The following MAGI2 variants were observed in gnomAD, a reference collection of about 807,000 sequenced individuals.
MAGI2 encodes membrane-associated guanylate kinase, WW and PDZ domain-containing protein 2.
In MAGI2, 35 loss-of-function variants were observed where a neutral mutation model predicts 133.3. That is an observed-to-expected ratio of 0.26 (90% CI 0.20 to 0.35). The LOEUF (loss-of-function observed/expected upper bound fraction) is 0.35. MAGI2 is among the 10% of genes least tolerant of loss of function. MAGI2 has a pLI of 1.00. For synonymous variants in MAGI2, 729 were observed against 710.6 expected (o/e 1.03, Z -0.41); for missense variants, 1,636 against 1,863.4 (o/e 0.88, Z 2.25).
chr7:78,498,387 C>T (rs1379306184), intron 5 of MAGI2, among the ~76,000 whole-genome samples: 2 of 152,148 alleles, frequency 1.3e-5, no homozygotes, highest in Non-Finnish European at 2.9e-5. Flanking sequence ...ACGGGCCTTT[C>T]ATAGTATACA....
chr7:78,535,001 T>C (rs1797763126), intron 3 of MAGI2, among the ~76,000 whole-genome samples: 1 of 151,944 alleles, frequency 6.6e-6, no homozygotes, highest in African/African-American at 2.4e-5. Context: ...GGTGTGGTGG[T>C]GGGCACTTGT....
chr7:79,180,895 C>T (rs1826556738), intron 1 of MAGI2, among the ~76,000 whole-genome samples: 1 of 151,922 alleles, frequency 6.6e-6, no homozygotes, highest in African/African-American at 2.4e-5. Context: ...AGGCCCCACG[C>T]AAGTCCAAAA....
At chr7:78,047,084 T>C (rs1049882020) in intron 21 of MAGI2, among the ~76,000 whole-genome samples, 65 of 152,346 alleles carry the variant, frequency 4.3e-4, no homozygotes, top group African/African-American at 1.5e-3. Flanking sequence ...GTAACAGTTT[T>C]GATACTGACT....
intron 6 of MAGI2, among the ~76,000 whole-genome samples, chr7:78,382,188 G>A (rs939732074): frequency 2.5e-5 from 1 of 39,376 alleles, no homozygotes; most frequent in African/African-American, 9.9e-5. Context: ...ACATTCAAAT[G>A]TTCGTTTTTT....
chr7:79,095,488 A>G (rs1351174853), intron 1 of MAGI2, among the ~76,000 whole-genome samples: 3 of 152,128 alleles, frequency 2.0e-5, no homozygotes, highest in African/African-American at 2.4e-5. Context: ...AAGCCTAATC[A>G]TTTCTAGTTT....
At chr7:78,946,194 T>C (rs1170831834) in intron 2 of MAGI2, among the ~76,000 whole-genome samples, 6 of 152,020 alleles carry the variant, frequency 3.9e-5, no homozygotes, top group African/African-American at 7.3e-5. Context: ...TACTATAGAA[T>C]TTTAAGTCAG....
chr7:78,425,734 G>A (rs1799218187), intron 6 of MAGI2, among the ~76,000 whole-genome samples: 1 of 152,192 alleles, frequency 6.6e-6, no homozygotes, highest in Admixed American at 6.5e-5. Context: ...AAAGGCATCT[G>A]AGATGTCAGA....
At chr7:79,096,002 A>C (rs760782234) in intron 1 of MAGI2, among the ~76,000 whole-genome samples, 57 of 152,116 alleles carry the variant, frequency 3.7e-4, no homozygotes, top group Non-Finnish European at 6.6e-4. Flanking sequence ...AGGATGTTGA[A>C]AAGGTCCAGA....
At chr7:79,036,366 A>T (rs1811129879) in intron 1 of MAGI2, among the ~76,000 whole-genome samples, 1 of 152,214 alleles carries the variant, frequency 6.6e-6, no homozygotes, top group Non-Finnish European at 1.5e-5. Flanking sequence ...ATTCATCCCC[A>T]CATCCTGTGT....
intron 20 of MAGI2, among the ~76,000 whole-genome samples, chr7:78,094,103 A>C (rs1197816896): frequency 2.0e-5 from 3 of 152,196 alleles, no homozygotes; most frequent in Admixed American, 6.6e-5. Flanking sequence ...CAAGATATCA[A>C]GTTAATCTTT....
chr7:78,724,660 C>A (rs2151208095), intron 2 of MAGI2, among the ~76,000 whole-genome samples: 1 of 152,258 alleles, frequency 6.6e-6, no homozygotes, highest in Non-Finnish European at 1.5e-5. Flanking sequence ...CTTTGAGGTG[C>A]CAGGAGATTA....
chr7:78,195,941 G>C (rs1447141238), intron 11 of MAGI2, among the ~76,000 whole-genome samples: 2 of 152,150 alleles, frequency 1.3e-5, no homozygotes, highest in Non-Finnish European at 2.9e-5. Context: ...GCGTATGTAA[G>C]ATTTAGACTA....
chr7:78,625,558 T>C (rs187954081), intron 3 of MAGI2, among the ~76,000 whole-genome samples: 63 of 152,268 alleles, frequency 4.1e-4, no homozygotes, highest in South Asian at 6.2e-4. Flanking sequence ...ACATTTAATA[T>C]AGCCTAAGTG....
chr7:79,192,000 T>C (rs1419364207), intron 1 of MAGI2, among the ~76,000 whole-genome samples: 1 of 151,848 alleles, frequency 6.6e-6, no homozygotes, highest in South Asian at 2.1e-4. Context: ...TTCAGTCCTA[T>C]GGCTAGTTGA....
intron 1 of MAGI2, among the ~76,000 whole-genome samples, chr7:79,072,611 T>A (rs1220010580): frequency 2.6e-5 from 4 of 152,198 alleles, no homozygotes; most frequent in Non-Finnish European, 5.9e-5. Flanking sequence ...ATTCAAAAAA[T>A]CTGAGCATAA....
chr7:78,560,235 G>A (rs940061809), intron 3 of MAGI2, among the ~76,000 whole-genome samples: 1 of 152,272 alleles, frequency 6.6e-6, no homozygotes, highest in East Asian at 1.9e-4. Flanking sequence ...GATGGGGTTA[G>A]GACTATACAT....
chr7:79,399,079 C>CTTTTTTTTTTTTTTTTT (rs1197197628), intron 1 of MAGI2, among the ~76,000 whole-genome samples: 1 of 114,612 alleles, frequency 8.7e-6, no homozygotes, highest in African/African-American at 3.7e-5. Context: ...AGTATTATTT[C>CTTTTTTTTTTTTTTTTT]TTTTTTTTTT....
intron 7 of MAGI2, among the ~76,000 whole-genome samples, chr7:78,367,266 G>A (rs1207812403): frequency 6.6e-6 from 1 of 152,176 alleles, no homozygotes; most frequent in African/African-American, 2.4e-5. Context: ...AAGGGATGAA[G>A]CATAGCTTTC....
intron 2 of MAGI2, among the ~76,000 whole-genome samples, chr7:78,852,864 G>C (rs491394): frequency 1.3e-5 from 2 of 152,024 alleles, no homozygotes; most frequent in East Asian, 3.9e-4. Context: ...ATTATAGTCA[G>C]TCTCAAGAAA....
Sources: gnomAD v4.1 joint callset for allele counts (sites outside exome capture counted in the v4.1 genomes callset) on GRCh38, gnomAD v4.1.1 for gene constraint, MANE v1.5 for transcripts, NCBI Gene and HGNC (gene_info 2026-07-23, HGNC 2026-07-21) for gene names.